Variants in TMC2 observed in about 807,000 individuals in gnomAD.
TMC2 encodes the protein transmembrane channel like 2.
In TMC2, 102 loss-of-function variants were observed where a neutral mutation model predicts 105.9. That is an observed-to-expected ratio of 0.96 (90% CI 0.82 to 1.14). The LOEUF is 1.14. Ranked by LOEUF, TMC2 falls within the 50% of genes most tolerant of loss-of-function variation. The pLI, the probability that TMC2 is intolerant of heterozygous loss-of-function variation, is 0.00. For synonymous variants in TMC2, 402 were observed against 422.8 expected (o/e 0.95, Z 0.60); for missense variants, 1,093 against 1,134.3 (o/e 0.96, Z 0.52).
intron 3 of TMC2, 91 bp from the exon 4 acceptor site, chr20:2,561,767 A>G: frequency 2.1e-6 from 3 of 1,457,816 alleles, no homozygotes; most frequent in Non-Finnish European, 1.9e-6. Flanking sequence ...AAGGGGTGCC[A>G]TCTTCCATGG....
intron 18 of TMC2, among the ~76,000 whole-genome samples, chr20:2,636,944 A>C (rs901833339): frequency 3.9e-5 from 6 of 152,252 alleles, no homozygotes; most frequent in Non-Finnish European, 7.4e-5. Context: ...GCTCCTGCCC[A>C]GGTACAGAAA....
At position 2,574,008 on chromosome 20, in the gene TMC2, C is replaced by T. The variant is rs73583391; in HGVS notation, c.645+1739C>T. 7.7e-4 allele frequency among the ~76,000 whole-genome samples: 117 copies of T among 152,282 alleles called. 1 individual carries two copies. Among genetic ancestry groups the T allele is most frequent in the African/African-American group, 2.6e-3 (107 of 41,548 alleles). ...TCAATTGATAATGGTGATCATAGCT[C>T]TCCTTATCTTTGCATCACTTTAATG... On this transcript the variant is annotated intron_variant, in intron 5 of 19. Coordinates refer to ENST00000358864, the MANE Select transcript of TMC2 (RefSeq NM_080751.3).
In TMC2 at chr20:2,572,275, T is replaced by C; in HGVS notation, c.645+6T>C. 6.2e-7 allele frequency: 1 copy of C among 1,609,104 alleles called. No homozygotes were observed. The highest frequency in any genetic ancestry group is 8.5e-7 in the Non-Finnish European group (1 of 1,175,944). Reference sequence around the variant, plus strand: ...ACAAGATGCTGATGGCCAAGGTGTGTGGGGTGGGGGCAGTGAATCTGTTGG... The same window carrying C: ...ACAAGATGCTGATGGCCAAGGTGTGCGGGGTGGGGGCAGTGAATCTGTTGG... On this transcript the variant is annotated splice_donor_region_variant and intron_variant, in intron 5 of 19. Transcript: ENST00000358864.
intron 6 of TMC2, among the ~76,000 whole-genome samples, chr20:2,579,716 A>C (rs1159041662): frequency 6.6e-6 from 1 of 151,756 alleles, no homozygotes; most frequent in Admixed American, 6.6e-5. Context: ...GAGCCACCGC[A>C]CTCATCCCAG....
At chr20:2,617,573 C>A (rs2146249012) in intron 16 of TMC2, 1 of 506,760 alleles carries the variant, frequency 2.0e-6, no homozygotes, top group East Asian at 3.5e-5. Flanking sequence ...AAATTAATTT[C>A]TCATGTATTT....
chr20:2,625,441 A>G (rs1307078441), intron 17 of TMC2, among the ~76,000 whole-genome samples: 1 of 152,292 alleles, frequency 6.6e-6, no homozygotes, highest in South Asian at 2.1e-4. Context: ...AATTATTTCC[A>G]TGCATATTTT....
intron 2 of TMC2, among the ~76,000 whole-genome samples, chr20:2,539,617 T>C (rs2085875121): frequency 6.6e-6 from 1 of 152,182 alleles, no homozygotes; most frequent in Non-Finnish European, 1.5e-5. Context: ...TGATCTCTGC[T>C]TCTCTGCCCT....
At chr20:2,606,862 TAATATAGTTTTCCCTTAATTTC>T (rs2086396142) in intron 11 of TMC2, among the ~76,000 whole-genome samples, 1 of 149,830 alleles carries the variant, frequency 6.7e-6, no homozygotes, top group African/African-American at 2.4e-5. Context: ...TCTTCAATTT[TAATATAGTTTTCCCTTAATTTC>T]TTTTTTCTTT....
At chr20:2,606,661 T>C (rs886617613) in intron 11 of TMC2, among the ~76,000 whole-genome samples, 1 of 152,142 alleles carries the variant, frequency 6.6e-6, no homozygotes, top group Non-Finnish European at 1.5e-5. Context: ...TTCCCTTTTT[T>C]GGGTTTTCTT....
Position 2,616,934 on chromosome 20 carries a change from A to G in TMC2, c.1941-138A>G. On this transcript the variant is annotated intron_variant, in intron 15 of 19. Transcript: ENST00000358864. This position sits in a 1 kb window ranked among gnomAD's most constrained non-coding sequence, Gnocchi z 4.8. ...ATGATCGATATTCTGGTTAAATGGG[A>G]GGCCCCTTACCTGGGGACTTGCCAG... 1 of 867,728 alleles carries G rather than the reference A, an allele frequency of 1.2e-6. No homozygotes were observed. Among genetic ancestry groups the G allele is most frequent in the Non-Finnish European group, 1.8e-6 (1 of 563,556 alleles). The allele number at this position is 867,728 out of a possible 1,614,324, so 53.8% of individuals were successfully genotyped here. A position where few individuals can be genotyped will look rare whatever the true frequency, so the allele number is the denominator to read the frequency against.
chr20:2,616,968 C>T lies in TMC2; in HGVS notation c.1941-104C>T, dbSNP rs1217856376. The T allele has an allele frequency of 6.5e-6, 9 of 1,381,314 alleles. No homozygotes were observed. The African/African-American group carries it at 1.3e-4, about 20-fold the overall frequency. 85.6% of individuals were successfully genotyped at this position (1,381,314 alleles called of 1,614,324 possible). Reference sequence around the variant, plus strand: ...ACCTGGGGACTTGCCAGGAAAGCAGCTCGGCCTCATGCCCCTAACCCATCC... The same window carrying T: ...ACCTGGGGACTTGCCAGGAAAGCAGTTCGGCCTCATGCCCCTAACCCATCC... On this transcript the variant is annotated intron_variant, in intron 15 of 19. Transcript: ENST00000358864. This position sits in a 1 kb window ranked among gnomAD's most constrained non-coding sequence, Gnocchi z 4.8.
intron 10 of TMC2, among the ~76,000 whole-genome samples, chr20:2,601,657 A>AT (rs1235526320): frequency 6.6e-6 from 1 of 152,162 alleles, no homozygotes; most frequent in Non-Finnish European, 1.5e-5. Context: ...CCTGACCAAC[A>AT]TGGAGAAACC....
intron 3 of TMC2, among the ~76,000 whole-genome samples, chr20:2,559,352 T>C (rs1159529571): frequency 6.6e-6 from 1 of 152,220 alleles, no homozygotes; most frequent in Non-Finnish European, 1.5e-5. Flanking sequence ...TTTGTTCCAT[T>C]ACCATTGGCA....
intron 2 of TMC2, among the ~76,000 whole-genome samples, chr20:2,541,098 C>T (rs2085887108): frequency 6.6e-6 from 1 of 152,172 alleles, no homozygotes; most frequent in South Asian, 2.1e-4. Flanking sequence ...TTTCTCTACC[C>T]ACTTCTTCTC....
intron 2 of TMC2, among the ~76,000 whole-genome samples, chr20:2,557,041 T>C (rs1489481673): frequency 6.6e-6 from 1 of 152,226 alleles, no homozygotes; most frequent in East Asian, 1.9e-4. Flanking sequence ...GCAGTGTGAA[T>C]ACGATATGCC....
In TMC2 at chr20:2,637,901, G is replaced by C. The variant is rs6076378; in HGVS notation, c.2503+310G>C. Among the ~76,000 whole-genome samples, 117,530 of 151,934 alleles carry C rather than the reference G, an allele frequency of 0.77. 45,532 individuals are homozygous for C. Among genetic ancestry groups the C allele is most frequent in the East Asian group, 0.87 (4,463 of 5,156 alleles). On this transcript the variant is annotated intron_variant, in intron 19 of 19. Coordinates refer to ENST00000358864, the MANE Select transcript of TMC2 (RefSeq NM_080751.3). ...AATAACATTTGGATCAACCATGGAT[G>C]GCATCTACAATGGTGGCCCCATAAG...
intron 12 of TMC2, 44 bp from the exon 13 acceptor site, chr20:2,612,147 A>G: frequency 5.8e-6 from 9 of 1,545,942 alleles, no homozygotes; most frequent in Non-Finnish European, 7.9e-6. Flanking sequence ...CAGTTGGACC[A>G]TCCCTAGCTC....
rs565372061 is a variant in TMC2 at position 2,536,796 on chromosome 20, G to A, written c.34+141G>A. ...AGGGCCTGTCCCCTGTGCGCTGAGCGACCTCGGCTGGTTATTCAACCTCTC... is the reference window on the plus strand; with the variant it reads ...AGGGCCTGTCCCCTGTGCGCTGAGCAACCTCGGCTGGTTATTCAACCTCTC... On this transcript the variant is annotated intron_variant, in intron 1 of 19. Coordinates refer to ENST00000358864, the MANE Select transcript of TMC2 (RefSeq NM_080751.3). 1.8e-4 allele frequency: 154 copies of A among 846,378 alleles called. 1 individual carries two copies. In the Middle Eastern group the frequency reaches 1.9e-3, roughly 10 times the overall value. The allele number at this position is 846,378 out of a possible 1,614,324, so 52.4% of individuals were successfully genotyped here.
Position 2,616,117 on chromosome 20 carries a change from C to T in TMC2, c.1873-20C>T, listed in dbSNP as rs373158381. The T allele has an allele frequency of 1.9e-6, 3 of 1,587,354 alleles. No homozygotes were observed. The East Asian group carries it at 6.7e-5, about 36-fold the overall frequency. On this transcript the variant is annotated intron_variant, in intron 14 of 19. Coordinates refer to ENST00000358864, the MANE Select transcript of TMC2 (RefSeq NM_080751.3). This position sits in a 1 kb window ranked among gnomAD's most constrained non-coding sequence, Gnocchi z 4.8. ...CTTTTTTTTTTCTCTCTCTCTCTCG[C>T]TCCCTCCCTCCCTCTCTAGCCTTCA...
Sources: gnomAD v4.1 joint callset for allele counts (sites outside exome capture counted in the v4.1 genomes callset) on GRCh38, gnomAD v4.1.1 for gene constraint, Gnocchi (gnomAD v3.1) non-coding constraint, MANE v1.5 for transcripts, NCBI Gene and HGNC (gene_info 2026-07-23, HGNC 2026-07-21) for gene names.